VPS37A: variants seen among roughly 807,000 people sequenced by gnomAD.
The protein encoded by VPS37A is VPS37A subunit of ESCRT-I.
VPS37A carries 30 observed loss-of-function variants against 49.8 expected under a neutral mutation model. The ratio of observed to expected loss-of-function variants is 0.60; its 90% confidence interval spans 0.45 to 0.82. The LOEUF is 0.82. Among genes scored for constraint, VPS37A ranks in the 40% least tolerant of loss-of-function variants. The pLI is 0.00. For missense variants in VPS37A, 593 were observed against 464.4 expected (o/e 1.28, Z -2.55); for synonymous variants, 195 against 160.6 (o/e 1.21, Z -1.62).
downstream of VPS37A, among the ~76,000 whole-genome samples, chr8:17,303,274 A>C (rs1403886690): frequency 6.6e-6 from 1 of 152,182 alleles, no homozygotes; most frequent in Admixed American, 6.5e-5. Context: ...AACTTGTCTT[A>C]CATGCACTAT....
the VPS37A span, among the ~76,000 whole-genome samples, chr8:17,318,184 CAT>C: frequency 9.9e-5 from 15 of 152,106 alleles, no homozygotes; most frequent in East Asian, 3.9e-4. Flanking sequence ...TAGTCTCACA[CAT>C]GTTTGGGATC....
chr8:17,313,498 T>G, the VPS37A span: 1 of 752,340 alleles, frequency 1.3e-6, no homozygotes, highest in East Asian at 2.6e-5. Flanking sequence ...ATTCCTTTGT[T>G]GTATTAGGTA....
chr8:17,331,152 T>C, the VPS37A span: 1 of 1,610,700 alleles, frequency 6.2e-7, no homozygotes, highest in Non-Finnish European at 8.5e-7. Flanking sequence ...TGGTTTACCT[T>C]CCAGCATTTT....
chr8:17,290,468 C>T (rs952569099), intron 11 of VPS37A, among the ~76,000 whole-genome samples: 1 of 152,086 alleles, frequency 6.6e-6, no homozygotes, highest in African/African-American at 2.4e-5. Flanking sequence ...CTGTTTATGT[C>T]GTGGATTACG....
the VPS37A span, among the ~76,000 whole-genome samples, chr8:17,332,186 C>A: frequency 6.6e-6 from 1 of 151,932 alleles, no homozygotes; most frequent in Admixed American, 6.5e-5. Context: ...GGAGGGCTAA[C>A]CCAGGCAGAG....
At chr8:17,256,949 G>T (rs1486722905) in intron 1 of VPS37A, among the ~76,000 whole-genome samples, 2 of 152,094 alleles carry the variant, frequency 1.3e-5, no homozygotes, top group Non-Finnish European at 2.9e-5. Flanking sequence ...CCATTTATCT[G>T]TTTCTGCTTT....
intron 4 of VPS37A, chr8:17,272,108 A>G (rs1296845699): frequency 2.2e-6 from 1 of 456,348 alleles, no homozygotes; most frequent in African/African-American, 2.0e-5. Context: ...CAGTATTGGT[A>G]AACTTTCCAC....
chr8:17,284,519 A>T lies in VPS37A; in HGVS notation c.1016A>T (p.His339Leu). ...ALQARLKVAA[H>L]EAEEESDNIA... ...CAGGCAAGATTGAAAGTAGCTGCAC[A>T]TGAAGCTGAGGAAGAATCTGATAAT... Residue 339 changes from histidine to leucine, a missense_variant, in exon 10 of 12, where the codon CAT (histidine) becomes CTT (leucine). Physicochemically the swap from His to Leu is moderately conservative, Grantham distance 99. Transcript: ENST00000324849. 1 of 1,599,318 alleles carries T rather than the reference A, an allele frequency of 6.3e-7. No homozygotes were observed. The highest frequency in any genetic ancestry group is 1.1e-5 in the South Asian group (1 of 87,712).
the VPS37A span, among the ~76,000 whole-genome samples, chr8:17,332,001 C>T: frequency 4.6e-5 from 7 of 152,148 alleles, no homozygotes; most frequent in African/African-American, 9.7e-5. Context: ...TTATTAAATC[C>T]AAACACTGTC....
At chr8:17,276,524 A>G in intron 6 of VPS37A, 57 bp downstream of exon 6, 3 of 1,480,926 alleles carry the variant, frequency 2.0e-6, no homozygotes, top group Non-Finnish European at 2.8e-6. Context: ...AGCATAAACC[A>G]GATTATTATT....
At chr8:17,332,176 G>C in the VPS37A span, among the ~76,000 whole-genome samples, 4 of 152,138 alleles carry the variant, frequency 2.6e-5, no homozygotes, top group Non-Finnish European at 5.9e-5. Context: ...ACCAAGGACA[G>C]GAGGGCTAAC....
At chr8:17,299,950 C>A, downstream of VPS37A, 1 of 1,614,170 alleles carries the variant, frequency 6.2e-7, no homozygotes, top group South Asian at 1.1e-5. Flanking sequence ...TGGAGACCGA[C>A]AGCTCAAATC....
At chr8:17,275,296 A>G (rs1814416967) in intron 5 of VPS37A, among the ~76,000 whole-genome samples, 2 of 152,142 alleles carry the variant, frequency 1.3e-5, no homozygotes, top group African/African-American at 4.8e-5. Context: ...AAATATACTG[A>G]TGAATATAGT....
intron 1 of VPS37A, among the ~76,000 whole-genome samples, chr8:17,260,097 T>C (rs1053956546): frequency 6.6e-6 from 1 of 152,118 alleles, no homozygotes; most frequent in Non-Finnish European, 1.5e-5. Context: ...TTCTTCCATT[T>C]TGTTGATTGT....
chr8:17,312,601 A>T, the VPS37A span, among the ~76,000 whole-genome samples: 3 of 127,718 alleles, frequency 2.3e-5, no homozygotes, highest in African/African-American at 5.8e-5. Flanking sequence ...AAAAAAAAAA[A>T]TTCTCTGTCT....
chr8:17,299,823 G>A, downstream of VPS37A: 1 of 1,603,478 alleles, frequency 6.2e-7, no homozygotes, highest in East Asian at 2.2e-5. Flanking sequence ...TGGAAGTGTT[G>A]CTTATGTGTC....
downstream of VPS37A, chr8:17,301,563 G>A (rs571839958): frequency 6.6e-6 from 1 of 152,300 alleles, no homozygotes; most frequent in Admixed American, 6.5e-5. Context: ...TAATAAGGAA[G>A]AGCCAGTTTT....
intron 2 of VPS37A, among the ~76,000 whole-genome samples, chr8:17,267,976 G>A (rs1278558656): frequency 6.6e-6 from 1 of 152,198 alleles, no homozygotes; most frequent in Non-Finnish European, 1.5e-5. Flanking sequence ...TTGGTATATT[G>A]TGTTTGAAAG....
the VPS37A span, among the ~76,000 whole-genome samples, chr8:17,319,173 C>T: frequency 6.6e-6 from 1 of 152,224 alleles, no homozygotes; most frequent in African/African-American, 2.4e-5. Context: ...GACACAGCTG[C>T]ACTCAAACTC....
Sources: gnomAD v4.1 joint callset for allele counts (sites outside exome capture counted in the v4.1 genomes callset) on GRCh38, gnomAD v4.1.1 for gene constraint, MANE v1.5 for transcripts, NCBI Gene and HGNC (gene_info 2026-07-23, HGNC 2026-07-21) for gene names.